XIRP2: variants seen among roughly 807,000 people sequenced by gnomAD.
XIRP2 encodes the protein xin actin-binding repeat-containing protein 2.
Under a neutral mutation model 277.0 loss-of-function variants are expected in XIRP2, and 236 were observed. That is an observed-to-expected ratio of 0.85 (90% CI 0.77 to 0.95). XIRP2 has a LOEUF of 0.95. XIRP2 is among the 40% of genes least tolerant of loss of function. The probability of loss-of-function intolerance (pLI) is 0.00; values close to 1 mark genes in which losing one functional copy is unlikely to be tolerated. For synonymous variants in XIRP2, 1,490 were observed against 1,416.5 expected, an observed-to-expected ratio of 1.05 and a Z score of -1.17; for missense variants, 4,640 against 4,157.5, an observed-to-expected ratio of 1.12 and a Z score of -3.19.
At position 166,903,601 on chromosome 2, in the gene XIRP2, A is replaced by G. The variant is rs773421256; in HGVS notation, c.119A>G (p.Glu40Gly). 5.6e-6 allele frequency: 9 copies of G among 1,613,682 alleles called. No individual in the cohort carries two copies. The South Asian group carries it at 9.9e-5, about 18-fold the overall frequency. The part of the protein sequence containing the change: ...DSHCTIFQPQ[E>G]SKLLAPEGEV... ...CATTGTACAATTTTCCAGCCTCAGGAAAGCAAATTGCTTGCGCCTGAAGGA... is the reference window on the plus strand; with the variant it reads ...CATTGTACAATTTTCCAGCCTCAGGGAAGCAAATTGCTTGCGCCTGAAGGA... The change falls in exon 2 of 11, where the codon GAA becomes GGA. Residue 40 changes from glutamate to glycine, a missense_variant. Physicochemically the swap from Glu to Gly is moderately conservative, Grantham distance 98. Transcript: ENST00000409195.
chr2:166,981,258 G>A (rs951953366), intron 2 of XIRP2, among the ~76,000 whole-genome samples: 1 of 152,092 alleles, frequency 6.6e-6, no homozygotes, highest in African/African-American at 2.4e-5. Flanking sequence ...CTCTTTCTAA[G>A]ACTTTAGAAA....
intron 2 of XIRP2, among the ~76,000 whole-genome samples, chr2:166,937,293 A>C (rs918934451): frequency 5.9e-5 from 9 of 152,200 alleles, no homozygotes; most frequent in African/African-American, 2.2e-4. Context: ...GATTTTTAGC[A>C]TGAAGGGCTA....
chr2:167,015,418 T>TTATCTATCTATCTATCTATC (rs143244808), intron 2 of XIRP2, among the ~76,000 whole-genome samples: 3 of 147,148 alleles, frequency 2.0e-5, no homozygotes, highest in East Asian at 2.0e-4. Flanking sequence ...TATCTGTCTT[T>TTATCTATCTATCTATCTATC]TATCTATCTA....
At chr2:166,936,039 G>C (rs574762708) in intron 2 of XIRP2, among the ~76,000 whole-genome samples, 59 of 152,262 alleles carry the variant, frequency 3.9e-4, no homozygotes, top group African/African-American at 1.0e-3. Flanking sequence ...CAGTGTAAAA[G>C]TGTTCCTATT....
intron 2 of XIRP2, among the ~76,000 whole-genome samples, chr2:167,029,855 G>A (rs1417554911): frequency 1.3e-5 from 2 of 152,044 alleles, no homozygotes; most frequent in Admixed American, 6.6e-5. Context: ...TTGGTTGGTA[G>A]GCTATTAATT....
At chr2:167,164,445 C>CAAA (rs36066566) in intron 3 of XIRP2, among the ~76,000 whole-genome samples, 767 of 46,512 alleles carry the variant, frequency 0.016, 66 homozygotes, top group African/African-American at 0.05. Flanking sequence ...GACTCCGTCT[C>CAAA]AAAAAAAAAA....
chr2:166,910,478 T>A (rs1375611562), intron 2 of XIRP2, among the ~76,000 whole-genome samples: 2 of 152,290 alleles, frequency 1.3e-5, no homozygotes, highest in East Asian at 3.9e-4. Context: ...TCATTTTTTA[T>A]GGCATCTATT....
intron 2 of XIRP2, among the ~76,000 whole-genome samples, chr2:167,089,925 A>G (rs888882410): frequency 2.0e-5 from 3 of 152,162 alleles, no homozygotes; most frequent in African/African-American, 7.2e-5. Flanking sequence ...ACCTTACGAG[A>G]AAAAAGAATT....
intron 2 of XIRP2, among the ~76,000 whole-genome samples, chr2:166,909,520 A>C (rs1684638850): frequency 6.6e-6 from 1 of 152,202 alleles, no homozygotes; most frequent in African/African-American, 2.4e-5. Context: ...TTTTGGGCTG[A>C]GACAGTGGGG....
intron 3 of XIRP2, among the ~76,000 whole-genome samples, chr2:167,138,780 G>A (rs3943841): frequency 1.5e-3 from 227 of 152,188 alleles, no homozygotes; most frequent in African/African-American, 4.2e-3. Context: ...AATCTGATTC[G>A]TTGGGCTGGG....
rs901214091 is a variant in XIRP2, at chr2:166,888,539, TG to T, written c.-34del. 4.6e-5 allele frequency: 7 copies of T among 152,196 alleles called. No individual in the cohort carries two copies. Among genetic ancestry groups the T allele is most frequent in the Non-Finnish European group, 1.0e-4 (7 of 68,038 alleles). The allele number at this position is 152,196 out of a possible 1,614,324, so 9.4% of individuals were successfully genotyped here. ...ACAAAAGGGAACATCTGGTAGGGAC[TG>T]GGACATGTAGAAAAAAGGTAAGATT... On this transcript the variant is annotated 5_prime_UTR_variant, in exon 1 of 11. Coordinates refer to ENST00000409195, the MANE Select transcript of XIRP2 (RefSeq NM_152381.6).
intron 2 of XIRP2, among the ~76,000 whole-genome samples, chr2:167,070,929 A>T (rs1301855475): frequency 6.6e-6 from 1 of 152,200 alleles, no homozygotes; most frequent in African/African-American, 2.4e-5. Flanking sequence ...CTTTATACTA[A>T]GCATTTGTCC....
chr2:167,258,957 G>A lies in XIRP2; in HGVS notation c.*1140G>A, dbSNP rs781763101. ...GCTCCAAAACCAAGCCTCAGCAGAG[G>A]CCTTATGGTAAAGGGGGGAAGTTCA... On this transcript the variant is annotated 3_prime_UTR_variant, in exon 11 of 11. Transcript: ENST00000409195. 5 of 1,612,766 alleles carry A rather than the reference G, an allele frequency of 3.1e-6. No individual in the cohort carries two copies. The highest frequency in any genetic ancestry group is 4.2e-6 in the Non-Finnish European group (5 of 1,179,446).
intron 1 of XIRP2, among the ~76,000 whole-genome samples, chr2:166,897,421 C>G (rs1684272001): frequency 6.6e-6 from 1 of 151,954 alleles, no homozygotes; most frequent in Non-Finnish European, 1.5e-5. Flanking sequence ...GCATGCGTCA[C>G]CATCGACAAT....
intron 2 of XIRP2, among the ~76,000 whole-genome samples, chr2:166,944,367 C>A (rs961354710): frequency 4.6e-5 from 7 of 152,166 alleles, no homozygotes; most frequent in African/African-American, 7.2e-5. Flanking sequence ...TAGAAGTCAA[C>A]TTGTGATGAA....
chr2:167,029,785 A>G (rs1391058310), intron 2 of XIRP2, among the ~76,000 whole-genome samples: 1 of 152,114 alleles, frequency 6.6e-6, no homozygotes, highest in African/African-American at 2.4e-5. Flanking sequence ...GGAATGATAC[A>G]GCTCCTCTTT....
At position 167,257,460 on chromosome 2, in the gene XIRP2, C is replaced by T. The variant is rs552068271; in HGVS notation, c.*40-397C>T. ...CAATTGTTAGGCACACCTTCCAGCT[C>T]GTTCAAAATCCAGTTAACAAAGAAG... On this transcript the variant is annotated intron_variant, in intron 10 of 10. Transcript: ENST00000409195. Among the ~76,000 whole-genome samples the T allele has an allele frequency of 3.9e-5, 6 of 152,048 alleles. No homozygotes were observed. The East Asian group carries it at 5.8e-4, about 15-fold the overall frequency.
At position 166,906,335 on chromosome 2, in the gene XIRP2, T is replaced by G. The variant is rs569714684; in HGVS notation, c.408+2445T>G. Among the ~76,000 whole-genome samples the G allele has an allele frequency of 2.0e-5, 3 of 152,188 alleles. No individual in the cohort carries two copies. The South Asian group carries it at 6.2e-4, about 32-fold the overall frequency. On this transcript the variant is annotated intron_variant, in intron 2 of 10. Transcript: ENST00000409195. ...TTAAAGGTATGGAATATCGTGTATA[T>G]GTACATCTATTTACAAGTAAATAGA...
intron 3 of XIRP2, among the ~76,000 whole-genome samples, chr2:167,148,917 T>C (rs1024879842): frequency 1.3e-5 from 2 of 151,994 alleles, no homozygotes; most frequent in Non-Finnish European, 2.9e-5. Context: ...CCCATACTAA[T>C]CTAGGATGGT....
Sources: gnomAD v4.1 joint callset for allele counts (sites outside exome capture counted in the v4.1 genomes callset) on GRCh38, gnomAD v4.1.1 for gene constraint, MANE v1.5 for transcripts, NCBI Gene and HGNC (gene_info 2026-07-23, HGNC 2026-07-21) for gene names.